The following FNIP1 variants were observed in gnomAD, a reference collection of about 807,000 sequenced individuals.
FNIP1 encodes folliculin-interacting protein 1.
In FNIP1, 40 loss-of-function variants were observed where a neutral mutation model predicts 124.5. That is an observed-to-expected ratio of 0.32 (90% CI 0.25 to 0.42). The LOEUF is 0.42. FNIP1 is among the 10% of genes least tolerant of loss of function. The probability of loss-of-function intolerance (pLI) is 1.00; values close to 1 mark genes in which losing one functional copy is unlikely to be tolerated. For missense variants in FNIP1, 1,176 were observed against 1,403.7 expected (o/e 0.84, Z 2.59); for synonymous variants, 472 against 470.6 (o/e 1.00, Z -0.04).
At chr5:131,779,011 G>A (rs1580832483) in intron 1 of FNIP1, among the ~76,000 whole-genome samples, 1 of 103,858 alleles carries the variant, frequency 9.6e-6, no homozygotes, top group African/African-American at 3.7e-5. Flanking sequence ...AGGGGGGAGG[G>A]GGGAGGGATA....
At chr5:131,767,205 G>A (rs1428023460) in intron 1 of FNIP1, among the ~76,000 whole-genome samples, 2 of 151,846 alleles carry the variant, frequency 1.3e-5, no homozygotes, top group East Asian at 3.9e-4. Context: ...AGGCCGAGGT[G>A]GGCAGATCAC....
chr5:131,681,367 T>A (rs937142499), intron 11 of FNIP1, among the ~76,000 whole-genome samples: 9 of 152,068 alleles, frequency 5.9e-5, no homozygotes, highest in Admixed American at 4.6e-4. Flanking sequence ...AAAAGCCTGA[T>A]TATGCACAGA....
intron 1 of FNIP1, among the ~76,000 whole-genome samples, chr5:131,759,831 T>G (rs999780511): frequency 1.3e-5 from 2 of 152,170 alleles, no homozygotes; most frequent in Non-Finnish European, 2.9e-5. Flanking sequence ...AGACATGGAA[T>G]AAACCTAGGG....
chr5:131,669,854 C>T (rs1043544027), intron 15 of FNIP1, among the ~76,000 whole-genome samples: 3 of 150,234 alleles, frequency 2.0e-5, no homozygotes, highest in Non-Finnish European at 4.4e-5. Context: ...AATAAGGCAA[C>T]GATGTCCATG....
intron 1 of FNIP1, among the ~76,000 whole-genome samples, chr5:131,767,878 C>G (rs1339901092): frequency 6.6e-6 from 1 of 152,014 alleles, no homozygotes; most frequent in Non-Finnish European, 1.5e-5. Context: ...CTGTTTATAT[C>G]CAATTATTTT....
At chr5:131,655,719 T>TAACAC (rs988651197) in intron 15 of FNIP1, among the ~76,000 whole-genome samples, 9 of 144,128 alleles carry the variant, frequency 6.2e-5, no homozygotes, top group Non-Finnish European at 1.4e-4. Flanking sequence ...CCATCCTGGC[T>TAACAC]AACACAGTGA....
chr5:131,713,904 C>A (rs952560118), intron 6 of FNIP1, among the ~76,000 whole-genome samples: 1 of 152,192 alleles, frequency 6.6e-6, no homozygotes, highest in African/African-American at 2.4e-5. Flanking sequence ...GGCCTTTTCT[C>A]AATCCCACTT....
chr5:131,704,765 A>AAC (rs1156264164), intron 9 of FNIP1, among the ~76,000 whole-genome samples: 1 of 152,198 alleles, frequency 6.6e-6, no homozygotes, highest in African/African-American at 2.4e-5. Context: ...CCAAAATAAA[A>AAC]ACATGAAAAA....
intron 11 of FNIP1, among the ~76,000 whole-genome samples, chr5:131,685,520 C>A (rs1315110806): frequency 6.8e-6 from 1 of 146,272 alleles, no homozygotes; most frequent in Non-Finnish European, 1.5e-5. Flanking sequence ...ACAATCTCAG[C>A]TCACTGCAAC....
intron 11 of FNIP1, among the ~76,000 whole-genome samples, chr5:131,680,520 C>T (rs565460929): frequency 5.1e-4 from 77 of 152,252 alleles, no homozygotes; most frequent in Non-Finnish European, 8.5e-4. Context: ...TGTCCAGATA[C>T]GATGGAAAAT....
chr5:131,739,525 AC>A (rs1770436154), intron 2 of FNIP1, among the ~76,000 whole-genome samples: 1 of 152,164 alleles, frequency 6.6e-6, no homozygotes, highest in Non-Finnish European at 1.5e-5. Flanking sequence ...TCAATAACAC[AC>A]TGTTTGGCCA....
intron 1 of FNIP1, among the ~76,000 whole-genome samples, chr5:131,778,183 A>AC (rs1003954121): frequency 2.0e-5 from 3 of 151,640 alleles, no homozygotes; most frequent in Admixed American, 1.3e-4. Context: ...ACAAAGCAAG[A>AC]CCCCCCTCTC....
intron 1 of FNIP1, among the ~76,000 whole-genome samples, chr5:131,768,641 C>T (rs996506740): frequency 6.6e-6 from 1 of 152,062 alleles, no homozygotes; most frequent in Non-Finnish European, 1.5e-5. Context: ...GAAGCCCCAT[C>T]TCTACTACAG....
intron 6 of FNIP1, among the ~76,000 whole-genome samples, chr5:131,714,653 G>A (rs558216594): frequency 1.3e-5 from 2 of 151,958 alleles, no homozygotes; most frequent in African/African-American, 4.8e-5. Context: ...GTCTGTGTAC[G>A]TACCACTGCT....
intron 16 of FNIP1, among the ~76,000 whole-genome samples, chr5:131,649,809 T>C (rs1766992790): frequency 6.6e-6 from 1 of 152,220 alleles, no homozygotes; most frequent in South Asian, 2.1e-4. Context: ...TTGGAGTTCA[T>C]TTCTGTACGT....
At chr5:131,758,617 A>G (rs926771602) in intron 1 of FNIP1, among the ~76,000 whole-genome samples, 3 of 152,212 alleles carry the variant, frequency 2.0e-5, no homozygotes, top group African/African-American at 7.2e-5. Context: ...ATGAACCACA[A>G]GCTATTTTAA....
intron 2 of FNIP1, among the ~76,000 whole-genome samples, chr5:131,732,490 T>C (rs975421818): frequency 1.3e-5 from 2 of 152,206 alleles, no homozygotes; most frequent in African/African-American, 4.8e-5. Context: ...TTAATCCATC[T>C]TGAATTAATT....
chr5:131,738,609 C>T (rs1770398886), intron 2 of FNIP1, among the ~76,000 whole-genome samples: 1 of 152,118 alleles, frequency 6.6e-6, no homozygotes, highest in Non-Finnish European at 1.5e-5. Context: ...AAGCAATTCT[C>T]GTGTCTCAGC....
intron 1 of FNIP1, among the ~76,000 whole-genome samples, chr5:131,771,723 T>TC (rs1358847266): frequency 6.6e-6 from 1 of 152,182 alleles, no homozygotes; most frequent in African/African-American, 2.4e-5. Context: ...CCTTCTAGTC[T>TC]CCTGTTAAAT....
Sources: allele counts gnomAD v4.1 joint callset (sites outside exome capture counted in the v4.1 genomes callset), GRCh38; gene constraint gnomAD v4.1.1; transcripts MANE v1.5; gene names NCBI Gene and HGNC (gene_info 2026-07-23, HGNC 2026-07-21).